The following ZNF420 variants were observed in gnomAD, a reference collection of about 807,000 sequenced individuals.
ZNF420 encodes ATM and p53-associated KZNF protein.
Under a neutral mutation model 44.7 loss-of-function variants are expected in ZNF420, and 31 were observed. The ratio of observed to expected loss-of-function variants is 0.69; its 90% CI spans 0.52 to 0.94. The LOEUF (loss-of-function observed/expected upper bound fraction) is 0.94, where lower values mean the gene tolerates loss of function less well. ZNF420 is among the 40% of genes least tolerant of loss of function. The probability of loss-of-function intolerance (pLI) is 0.00; values close to 1 mark genes in which losing one functional copy is unlikely to be tolerated. For synonymous variants in ZNF420, 245 were observed against 267.4 expected, an observed-to-expected ratio of 0.92 and a Z score of 0.82; for missense variants, 681 against 827.9, an observed-to-expected ratio of 0.82 and a Z score of 2.18.
chr19:37,023,969 G>T (rs2074667556), intron 1 of ZNF420, among the ~76,000 whole-genome samples: 1 of 151,950 alleles, frequency 6.6e-6, no homozygotes, highest in Non-Finnish European at 1.5e-5. Context: ...TCTAGATCAG[G>T]CCATGATGGA....
At chr19:37,018,948 T>TA (rs1482506049) in intron 1 of ZNF420, among the ~76,000 whole-genome samples, 1 of 152,176 alleles carries the variant, frequency 6.6e-6, no homozygotes, top group Non-Finnish European at 1.5e-5. Flanking sequence ...AATGCTTTCA[T>TA]AGCACTGCAT....
chr19:37,038,273 G>A (rs1173918883), intron 1 of ZNF420, among the ~76,000 whole-genome samples: 2 of 152,162 alleles, frequency 1.3e-5, no homozygotes, highest in African/African-American at 2.4e-5. Context: ...TCATCAAGTC[G>A]TAATCATTTT....
At chr19:37,098,020 G>T (rs1222230115) in intron 4 of ZNF420, among the ~76,000 whole-genome samples, 1 of 151,878 alleles carries the variant, frequency 6.6e-6, no homozygotes, top group Non-Finnish European at 1.5e-5. Context: ...ACTTAGGCTG[G>T]AGTGCAGTGG....
upstream of ZNF420, among the ~76,000 whole-genome samples, chr19:37,075,838 T>A (rs886862655): frequency 1.3e-5 from 2 of 152,132 alleles, no homozygotes; most frequent in African/African-American, 4.8e-5. Context: ...GACATTTACT[T>A]CTCCCCCTTT....
intron 4 of ZNF420, among the ~76,000 whole-genome samples, chr19:37,098,234 A>C (rs1969571449): frequency 6.6e-6 from 1 of 152,064 alleles, no homozygotes; most frequent in Admixed American, 6.6e-5. Context: ...TTACAGGTAT[A>C]AGCCACCACA....
chr19:37,041,166 A>G (rs1327327276), intron 1 of ZNF420, among the ~76,000 whole-genome samples: 1 of 152,058 alleles, frequency 6.6e-6, no homozygotes, highest in South Asian at 2.1e-4. Context: ...TCTACTAAAA[A>G]TAAAAAATTA....
intron 1 of ZNF420, among the ~76,000 whole-genome samples, chr19:37,070,714 A>C (rs1218433455): frequency 6.6e-6 from 1 of 152,228 alleles, no homozygotes; most frequent in Non-Finnish European, 1.5e-5. Context: ...CTGCATATAC[A>C]TCTACCAGAA....
rs1264171572 is a variant in ZNF420 at position 37,129,079 on chromosome 19, C to T, written c.*21C>T. The T allele has an allele frequency of 6.3e-7, 1 of 1,594,448 alleles. No individual in the cohort carries two copies. The highest frequency in any genetic ancestry group is 1.3e-5 in the African/African-American group (1 of 74,398). ...TGTGAATTGTCTGATTATTTGAGAT[C>T]ACTATGAAGAGGTTCTCTGGTTGTT... On this transcript the variant is annotated 3_prime_UTR_variant, in exon 5 of 5. Coordinates refer to ENST00000337995, the MANE Select transcript of ZNF420 (RefSeq NM_144689.5).
chr19:37,091,075 G>T lies in ZNF420; in HGVS notation c.90G>T (p.Leu30Phe), dbSNP rs1255901143. The change falls in exon 4 of 5, where the codon TTG becomes TTT. Residue 30 changes from leucine (L) to phenylalanine (F), a missense_variant. Leu to Phe is a conservative substitution (Grantham distance 22). Transcript: ENST00000337995. Reference protein sequence around the residue: ...WECLDSAQRDLYRDVMLENYS... With the variant: ...WECLDSAQRDFYRDVMLENYS... ...GCCTGGACTCTGCTCAGAGAGATTTGTATAGAGATGTGATGTTGGAGAACT... is the reference window on the plus strand; with the variant it reads ...GCCTGGACTCTGCTCAGAGAGATTTTTATAGAGATGTGATGTTGGAGAACT... The T allele has an allele frequency of 1.9e-5, 30 of 1,608,760 alleles. No homozygotes were observed. In the East Asian group the frequency reaches 4.9e-4, roughly 26 times the overall value.
intron 4 of ZNF420, among the ~76,000 whole-genome samples, chr19:37,114,109 G>A (rs1970526618): frequency 6.6e-6 from 1 of 152,078 alleles, no homozygotes; most frequent in East Asian, 1.9e-4. Context: ...AGGTGGTATC[G>A]GTTCTAATAT....
intron 1 of ZNF420, among the ~76,000 whole-genome samples, chr19:37,020,484 A>C (rs1279985644): frequency 1.3e-5 from 2 of 152,184 alleles, no homozygotes; most frequent in African/African-American, 4.8e-5. Context: ...AAGAGAGAAC[A>C]TGCCTGGCCT....
At chr19:37,059,142 C>A (rs768418905) in intron 1 of ZNF420, among the ~76,000 whole-genome samples, 5 of 152,332 alleles carry the variant, frequency 3.3e-5, no homozygotes, top group Non-Finnish European at 5.9e-5. Context: ...TCCCCCTCCA[C>A]CGGTGGAAGT....
At chr19:37,112,528 G>GATAGAGACATCTGCTGCAGTGTCTAC (rs1354203505) in intron 4 of ZNF420, among the ~76,000 whole-genome samples, 1 of 152,150 alleles carries the variant, frequency 6.6e-6, no homozygotes, top group African/African-American at 2.4e-5. Context: ...TGAAAGCAAT[G>GATAGAGACATCTGCTGCAGTGTCTAC]ATAGAGACAT....
chr19:37,030,475 A>G (rs1271955294), intron 1 of ZNF420, among the ~76,000 whole-genome samples: 1 of 152,166 alleles, frequency 6.6e-6, no homozygotes, highest in Non-Finnish European at 1.5e-5. Context: ...ATTTCTTTAT[A>G]TGTGAAAATT....
chr19:37,020,956 T>A (rs2074643933), intron 1 of ZNF420, among the ~76,000 whole-genome samples: 1 of 152,142 alleles, frequency 6.6e-6, no homozygotes, highest in African/African-American at 2.4e-5. Context: ...AAATAAATGG[T>A]GGTGGTGTTT....
At chr19:37,043,535 T>C (rs1212304747) in intron 1 of ZNF420, among the ~76,000 whole-genome samples, 1 of 152,178 alleles carries the variant, frequency 6.6e-6, no homozygotes, top group East Asian at 1.9e-4. Context: ...ATTTATTTAT[T>C]TTTTTTAGAT....
upstream of ZNF420, among the ~76,000 whole-genome samples, chr19:37,073,493 CT>C (rs545698409): frequency 1.4e-3 from 220 of 152,138 alleles, no homozygotes; most frequent in Non-Finnish European, 2.6e-3. Context: ...AATCCCAACA[CT>C]TTGGGAGGCC....
At chr19:37,044,114 G>A (rs1418980137) in intron 1 of ZNF420, among the ~76,000 whole-genome samples, 2 of 152,194 alleles carry the variant, frequency 1.3e-5, no homozygotes, top group African/African-American at 2.4e-5. Flanking sequence ...AGAAAATAAG[G>A]TCTTCATGCA....
chr19:37,067,021 C>T (rs1434524692), intron 1 of ZNF420, among the ~76,000 whole-genome samples: 3 of 152,116 alleles, frequency 2.0e-5, no homozygotes, highest in African/African-American at 7.2e-5. Context: ...AAACATTATA[C>T]TGAGTGAAAG....
Sources: gnomAD v4.1 joint callset for allele counts (sites outside exome capture counted in the v4.1 genomes callset) on GRCh38, gnomAD v4.1.1 for gene constraint, MANE v1.5 for transcripts, NCBI Gene and HGNC (gene_info 2026-07-23, HGNC 2026-07-21) for gene names.